Variants in KIAA1549 observed in about 807,000 individuals in gnomAD.
KIAA1549 encodes UPF0606 protein KIAA1549.
Under a neutral mutation model 156.4 loss-of-function variants are expected in KIAA1549, and 70 were observed. The ratio of observed to expected loss-of-function variants is 0.45; its 90% confidence interval spans 0.37 to 0.55. The LOEUF (loss-of-function observed/expected upper bound fraction) is 0.55, where lower values mean the gene tolerates loss of function less well. Among genes scored for constraint, KIAA1549 ranks in the 20% least tolerant of loss-of-function variants. The probability of loss-of-function intolerance (pLI) is 0.00; values close to 1 mark genes in which losing one functional copy is unlikely to be tolerated. For missense variants in KIAA1549, 2,428 were observed against 2,540.9 expected, an observed-to-expected ratio of 0.96 and a Z score of 0.96; for synonymous variants, 1,103 against 1,066.4, an observed-to-expected ratio of 1.03 and a Z score of -0.67.
intron 1 of KIAA1549, among the ~76,000 whole-genome samples, chr7:138,943,558 T>C (rs999128766): frequency 1.3e-5 from 2 of 152,306 alleles, no homozygotes; most frequent in Admixed American, 6.5e-5. Flanking sequence ...AATTAACAAA[T>C]GCATTACCTC....
chr7:138,889,276 T>C (rs1423827538), intron 10 of KIAA1549, among the ~76,000 whole-genome samples: 1 of 152,220 alleles, frequency 6.6e-6, no homozygotes, highest in Non-Finnish European at 1.5e-5. Context: ...TAGGGCGGTC[T>C]ACGTAGCCCA....
rs375328178 is a variant in KIAA1549, at chr7:138,948,553, G to A, written c.188-29115C>T. Among the ~76,000 whole-genome samples, 4 of 152,288 alleles carry A rather than the reference G, an allele frequency of 2.6e-5. No homozygotes were observed. The East Asian group carries it at 7.7e-4, about 29-fold the overall frequency. On this transcript the variant is annotated intron_variant, in intron 1 of 19. Transcript: ENST00000422774. ...CACCCAGTCTGTGGTATCTTGTTAC[G>A]TGGCCCTTGCAAACCAATAGATACT... is the stretch of plus-strand genomic sequence containing the variant.
chr7:138,923,193 C>G (rs1030992330), intron 1 of KIAA1549, among the ~76,000 whole-genome samples: 3 of 152,302 alleles, frequency 2.0e-5, no homozygotes, highest in Non-Finnish European at 1.5e-5. Flanking sequence ...ACATTTTCAG[C>G]TTAACAGTGG....
At chr7:138,924,530 T>C (rs1812657867) in intron 1 of KIAA1549, among the ~76,000 whole-genome samples, 1 of 152,174 alleles carries the variant, frequency 6.6e-6, no homozygotes, top group Non-Finnish European at 1.5e-5. Context: ...TTAAATCAAC[T>C]AGGCCTTCTA....
intron 17 of KIAA1549, among the ~76,000 whole-genome samples, chr7:138,851,430 T>A (rs1225534554): frequency 6.6e-6 from 1 of 152,204 alleles, no homozygotes; most frequent in Non-Finnish European, 1.5e-5. Flanking sequence ...TATCTCCATA[T>A]TAAGCATAAT....
At chr7:138,895,876 G>A (rs985241478) in intron 9 of KIAA1549, among the ~76,000 whole-genome samples, 1 of 151,868 alleles carries the variant, frequency 6.6e-6, no homozygotes, top group African/African-American at 2.4e-5. Context: ...ATGACTCATC[G>A]AAACGGCATT....
chr7:138,960,006 G>T (rs1813789781), intron 1 of KIAA1549, among the ~76,000 whole-genome samples: 1 of 152,216 alleles, frequency 6.6e-6, no homozygotes, highest in African/African-American at 2.4e-5. Context: ...CCAAGATAGG[G>T]TGAATCAAAC....
At position 138,917,594 on chromosome 7, in the gene KIAA1549, G is replaced by T; in HGVS notation, c.2032C>A (p.Leu678Met). ...ETFTLFDSSD[L>M]QSSQLSLPSS... ...GGAAGAGACAGCTGAGATGACTGCA[G>T]ATCACTAGAGTCAAACAATGTAAAT... The change falls in exon 2 of 20, where the codon CTG (leucine) becomes ATG (methionine). Residue 678 changes from leucine (L) to methionine (M), a missense_variant. Around this residue, in one of 5 missense-constraint regions of KIAA1549, gnomAD observed 762 missense variants for 901.6 expected, o/e 0.85. Transcript: ENST00000422774. The T allele has an allele frequency of 6.2e-7, 1 of 1,613,922 alleles. No individual in the cohort carries two copies. The highest frequency in any genetic ancestry group is 1.6e-4 in the Middle Eastern group (1 of 6,062).
At chr7:138,857,071 G>A (rs111524957) in intron 16 of KIAA1549, among the ~76,000 whole-genome samples, 8 of 152,244 alleles carry the variant, frequency 5.3e-5, no homozygotes, top group East Asian at 1.9e-4. Context: ...GGAAACCATC[G>A]CTCAGGCCTT....
intron 1 of KIAA1549, among the ~76,000 whole-genome samples, chr7:138,954,339 C>T (rs1813596273): frequency 6.6e-6 from 1 of 152,140 alleles, no homozygotes; most frequent in African/African-American, 2.4e-5. Context: ...AACAGAAGGC[C>T]TCACGGGGCA....
intron 18 of KIAA1549, among the ~76,000 whole-genome samples, chr7:138,841,910 ACTC>A (rs1809932790): frequency 7.1e-6 from 1 of 141,730 alleles, no homozygotes; most frequent in South Asian, 2.3e-4. Flanking sequence ...AAAAAAAAGA[ACTC>A]CTCGATGGTT....
intron 4 of KIAA1549, among the ~76,000 whole-genome samples, chr7:138,910,449 G>A (rs376438786): frequency 3.4e-5 from 5 of 148,092 alleles, no homozygotes; most frequent in Non-Finnish European, 5.9e-5. Context: ...CCAAGCTGGA[G>A]TGCAGTGGCA....
At chr7:138,931,752 CAAAAA>C (rs71169066) in intron 1 of KIAA1549, among the ~76,000 whole-genome samples, 1 of 101,380 alleles carries the variant, frequency 9.9e-6, no homozygotes, top group Non-Finnish European at 2.3e-5. Context: ...AGTCCCATCT[CAAAAA>C]AAAAAAAAAA....
At chr7:138,949,989 G>A (rs1327581241) in intron 1 of KIAA1549, among the ~76,000 whole-genome samples, 1 of 152,134 alleles carries the variant, frequency 6.6e-6, no homozygotes, top group Non-Finnish European at 1.5e-5. Context: ...TTTCAGATCT[G>A]CACAGGAACA....
intron 18 of KIAA1549, among the ~76,000 whole-genome samples, chr7:138,840,866 C>T (rs1809896739): frequency 6.6e-6 from 1 of 152,116 alleles, no homozygotes; most frequent in Non-Finnish European, 1.5e-5. Flanking sequence ...GTTTTGGAAA[C>T]ACCCTGTCAG....
At chr7:138,959,476 CTTTATG>C (rs1446332389) in intron 1 of KIAA1549, among the ~76,000 whole-genome samples, 1 of 152,106 alleles carries the variant, frequency 6.6e-6, no homozygotes, top group African/African-American at 2.4e-5. Flanking sequence ...GACAAAGGGT[CTTTATG>C]TTTATTTCCC....
At chr7:138,867,921 C>A (rs1810797500) in intron 15 of KIAA1549, 54 bp downstream of exon 15, 4 of 1,591,822 alleles carry the variant, frequency 2.5e-6, no homozygotes, top group Admixed American at 1.7e-5. Context: ...TTCAGCGCAT[C>A]TTTCTAGGAG....
intron 15 of KIAA1549, among the ~76,000 whole-genome samples, chr7:138,864,054 G>A (rs980060833): frequency 1.2e-4 from 19 of 152,130 alleles, no homozygotes; most frequent in African/African-American, 3.9e-4. Flanking sequence ...CTCACGGGTG[G>A]AAAGAAGGGA....
intron 6 of KIAA1549, among the ~76,000 whole-genome samples, chr7:138,905,919 T>C (rs1811993148): frequency 6.6e-6 from 1 of 152,230 alleles, no homozygotes; most frequent in Non-Finnish European, 1.5e-5. Context: ...ACAATGAAGA[T>C]ATAGAACAGT....
Sources: allele counts gnomAD v4.1 joint callset (sites outside exome capture counted in the v4.1 genomes callset), GRCh38; gene constraint gnomAD v4.1.1; regional missense constraint gnomAD v4.1.1; transcripts MANE v1.5; gene names NCBI Gene and HGNC (gene_info 2026-07-23, HGNC 2026-07-21).